PGD: variants seen among roughly 807,000 people sequenced by gnomAD.
The protein encoded by PGD is phosphogluconate dehydrogenase.
In PGD, 21 loss-of-function variants were observed where a neutral mutation model predicts 60.4. The observed-to-expected ratio is 0.35, with a 90% CI of 0.25 to 0.50. PGD has a LOEUF of 0.50. Among genes scored for constraint, PGD ranks in the 20% least tolerant of loss-of-function variants. The pLI is 0.98. For missense variants in PGD, 477 were observed against 613.1 expected, an observed-to-expected ratio of 0.78 and a Z score of 2.34; for synonymous variants, 230 against 235.9, an observed-to-expected ratio of 0.97 and a Z score of 0.23.
At chr1:10,403,423 CTA>C (rs1385638446) in intron 4 of PGD, among the ~76,000 whole-genome samples, 11 of 151,964 alleles carry the variant, frequency 7.2e-5, no homozygotes. Flanking sequence ...AAACCCGTCT[CTA>C]CTAAAAATAC....
At chr1:10,413,014 T>C in intron 7 of PGD, 48 bp from the exon 8 acceptor site, 1 of 1,525,736 alleles carries the variant, frequency 6.6e-7, no homozygotes, top group Non-Finnish European at 9.1e-7. Flanking sequence ...GCTTCCTTGC[T>C]CAGCCCTCAT....
chr1:10,404,150 C>G lies in PGD; in HGVS notation c.331-11C>G. On this transcript the variant is annotated splice_polypyrimidine_tract_variant and intron_variant, in intron 4 of 12. Transcript: ENST00000270776. ...ATGGAAGCATAATGAAATTATTTTT[C>G]TGTCCTTCAGAGACGGTGCCGAGAC... 2.6e-6 allele frequency: 4 copies of G among 1,555,866 alleles called. No individual in the cohort carries two copies. The highest frequency in any genetic ancestry group is 3.5e-6 in the Non-Finnish European group (4 of 1,139,140).
chr1:10,408,018 G>A, intron 5 of PGD, 53 bp from the exon 6 acceptor site: 1 of 1,033,444 alleles, frequency 9.7e-7, no homozygotes, highest in Non-Finnish European at 1.5e-6. Flanking sequence ...TATGGGTATG[G>A]GCTCTCAGCC....
At chr1:10,399,790 C>T (rs1349642229) in intron 2 of PGD, 86 bp downstream of exon 2, 1 of 1,146,644 alleles carries the variant, frequency 8.7e-7, no homozygotes, top group African/African-American at 1.5e-5. Context: ...TTACGGGTCT[C>T]CTGGCCGTGC....
At position 10,400,591 on chromosome 1, in the gene PGD, T is replaced by C. The variant is rs1377593447; in HGVS notation, c.264+19T>C. 2 of 1,587,324 alleles carry C rather than the reference T, an allele frequency of 1.3e-6. No individual in the cohort carries two copies. Among genetic ancestry groups the C allele is most frequent in the Non-Finnish European group, 1.7e-6 (2 of 1,165,222 alleles). On this transcript the variant is annotated intron_variant, in intron 3 of 12. Transcript: ENST00000270776. ...GAAATTGGTGAGGCCAGCTGTGCTC[T>C]CAGCTGCTACCACGATAGCAGCTGT...
chr1:10,401,111 A>G (rs1639308318), intron 3 of PGD, among the ~76,000 whole-genome samples: 2 of 152,162 alleles, frequency 1.3e-5, no homozygotes, highest in South Asian at 4.1e-4. Flanking sequence ...AGGCTGAGGA[A>G]TGAGAATCAC....
intron 7 of PGD, among the ~76,000 whole-genome samples, chr1:10,412,121 C>G (rs1442553858): frequency 1.3e-5 from 2 of 152,302 alleles, no homozygotes; most frequent in African/African-American, 4.8e-5. Context: ...TGGATACATT[C>G]AAAGTAAACT....
intron 8 of PGD, among the ~76,000 whole-genome samples, chr1:10,416,105 G>A (rs1424376900): frequency 6.6e-6 from 1 of 152,048 alleles, no homozygotes; most frequent in Non-Finnish European, 1.5e-5. Context: ...TTATTTTACT[G>A]GTTTTAGAGA....
chr1:10,404,364 T>C, intron 5 of PGD, 85 bp downstream of exon 5: 1 of 750,014 alleles, frequency 1.3e-6, no homozygotes. Context: ...TCTGCCACCC[T>C]GATCTCTGTG....
At position 10,399,088 on chromosome 1, in the gene PGD, C is replaced by T; in HGVS notation, c.-30C>T. 1 of 1,609,236 alleles carries T rather than the reference C, an allele frequency of 6.2e-7. No homozygotes were observed. Among genetic ancestry groups the T allele is most frequent in the Non-Finnish European group, 8.5e-7 (1 of 1,179,536 alleles). On this transcript the variant is annotated 5_prime_UTR_variant, in exon 1 of 13. Coordinates refer to ENST00000270776, the MANE Select transcript of PGD (RefSeq NM_002631.4). Reference sequence around the variant, plus strand: ...TCCCTCACTCGTCCTCCGCGCGTCGCCGCTCTTCGGTTCTGCTCTGTCCGC... The same window carrying T: ...TCCCTCACTCGTCCTCCGCGCGTCGTCGCTCTTCGGTTCTGCTCTGTCCGC...
At chr1:10,401,735 G>T (rs1639319025) in intron 3 of PGD, among the ~76,000 whole-genome samples, 1 of 152,214 alleles carries the variant, frequency 6.6e-6, no homozygotes, top group African/African-American at 2.4e-5. Flanking sequence ...TGAAGCCCAG[G>T]CTGGGCGCGG....
Position 10,399,599 on chromosome 1 carries a change from CT to C in PGD, c.9-27del, listed in dbSNP as rs1557757768. On this transcript the variant is annotated intron_variant, in intron 1 of 12. Coordinates refer to ENST00000270776, the MANE Select transcript of PGD (RefSeq NM_002631.4). ...TGCAGCGCGTCGAGCGGTGCTGACT[CT>C]TTCCTTTGTTCTGTTTCTGCCTCTC... is the stretch of plus-strand genomic sequence containing the variant. 3 of 1,606,596 alleles carry C rather than the reference CT, an allele frequency of 1.9e-6. No homozygotes were observed. In the South Asian group the frequency reaches 3.3e-5, roughly 18 times the overall value.
intron 8 of PGD, 100 bp from the exon 9 acceptor site, chr1:10,416,887 A>G (rs982451652): frequency 1.8e-6 from 2 of 1,114,036 alleles, no homozygotes; most frequent in Non-Finnish European, 1.3e-6. Flanking sequence ...GCTTCAGGCC[A>G]TCTGGATGTA....
Position 10,403,106 on chromosome 1 carries a change from C to T in PGD, c.300C>T (p.Asp100=), listed in dbSNP as rs201878646. The change falls in exon 4 of 13, where the codon GAC becomes GAT. Residue 100 remains aspartate, a synonymous_variant. Transcript: ENST00000270776. ...PLLDTGDIII[D]GGNSEYRDTT... ...TGGATACTGGTGACATCATCATTGACGGAGGAAATTCTGAATATAGGGACA... is the reference window on the plus strand; with the variant it reads ...TGGATACTGGTGACATCATCATTGATGGAGGAAATTCTGAATATAGGGACA... The T allele has an allele frequency of 1.6e-5, 26 of 1,610,582 alleles. No homozygotes were observed. Among genetic ancestry groups the T allele is most frequent in the African/African-American group, 6.7e-5 (5 of 74,924 alleles).
rs1156766696 is a variant in PGD at position 10,419,856 on chromosome 1, A to G, written c.*107A>G. 3.0e-6 allele frequency: 4 copies of G among 1,335,230 alleles called. No homozygotes were observed. Among genetic ancestry groups the G allele is most frequent in the Non-Finnish European group, 4.2e-6 (4 of 959,648 alleles). 82.7% of individuals were successfully genotyped at this position (1,335,230 alleles called of 1,614,324 possible). A position where few individuals can be genotyped will look rare whatever the true frequency, so the allele number is the denominator to read the frequency against. ...CCCTATTTTCTGTTCAGTTTTTTAA[A>G]AGTGTTGTAAGAGACTCCTGAGGAA... is the stretch of plus-strand genomic sequence containing the variant. On this transcript the variant is annotated 3_prime_UTR_variant, in exon 13 of 13. Coordinates refer to ENST00000270776, the MANE Select transcript of PGD (RefSeq NM_002631.4).
At chr1:10,417,580 A>G (rs991963348) in intron 10 of PGD, 71 bp downstream of exon 10, 1 of 1,492,098 alleles carries the variant, frequency 6.7e-7, no homozygotes, top group Non-Finnish European at 9.0e-7. Context: ...ATCTTAGGAC[A>G]CTTAGCTTGA....
At chr1:10,410,279 C>T (rs1639477250) in intron 6 of PGD, among the ~76,000 whole-genome samples, 1 of 151,988 alleles carries the variant, frequency 6.6e-6, no homozygotes, top group African/African-American at 2.4e-5. Flanking sequence ...GGTGAAACTC[C>T]ATGTCTACAA....
chr1:10,403,927 C>G (rs184837818), intron 4 of PGD, among the ~76,000 whole-genome samples: 2 of 152,144 alleles, frequency 1.3e-5, no homozygotes. Context: ...AGGTAGGTAT[C>G]GTGAATGTCC....
chr1:10,410,998 G>A (rs1639489986), intron 6 of PGD, among the ~76,000 whole-genome samples: 1 of 151,828 alleles, frequency 6.6e-6, no homozygotes, highest in Non-Finnish European at 1.5e-5. Flanking sequence ...AAAAAAACAA[G>A]TGATTTAATT....
Sources: allele counts gnomAD v4.1 joint callset (sites outside exome capture counted in the v4.1 genomes callset), GRCh38; gene constraint gnomAD v4.1.1; transcripts MANE v1.5; gene names NCBI Gene and HGNC (gene_info 2026-07-23, HGNC 2026-07-21).